RAB41: variants seen among roughly 807,000 people sequenced by gnomAD.
RAB41 encodes ras-related protein Rab-41.
In RAB41, 15 loss-of-function variants were observed where a neutral mutation model predicts 19.0. That is an observed-to-expected ratio of 0.79 (90% CI 0.53 to 1.21). RAB41 has a LOEUF of 1.21. Among genes scored for constraint, RAB41 ranks in the 50% most tolerant of loss-of-function variants. The pLI is 0.00. For synonymous variants in RAB41, 73 were observed against 64.7 expected (o/e 1.13, Z -0.62); for missense variants, 177 against 179.7 (o/e 0.99, Z 0.09).
chrX:70,282,256 C>T lies in RAB41; in HGVS notation c.39C>T (p.Ala13=), dbSNP rs778694033. ...AFGHDEAWME[A]GGFGLEAAER... ...GTCACGACGAGGCCTGGATGGAGGC[C>T]GGAGGCTTTGGTCTGGAGGCTGCCG... is the stretch of plus-strand genomic sequence containing the variant. Residue 13 remains alanine, a synonymous_variant, in exon 1 of 8, where the codon GCC becomes GCT. Transcript: ENST00000374473. 5.8e-6 allele frequency: 7 copies of T among 1,210,466 alleles called. No individual in the cohort carries two copies. The East Asian group carries it at 8.9e-5, about 15-fold the overall frequency.
chrX:70,282,638 G>T (rs779942134), intron 2 of RAB41, 47 bp downstream of exon 2: 15 of 1,141,344 alleles, frequency 1.3e-5, no homozygotes, highest in Middle Eastern at 2.4e-4. Flanking sequence ...CACTCTTCTT[G>T]GCGGACTCAC....
intron 2 of RAB41, 55 bp downstream of exon 2, chrX:70,282,646 C>G: frequency 1.8e-6 from 2 of 1,129,379 alleles, no homozygotes; most frequent in Non-Finnish European, 2.4e-6. Flanking sequence ...TTGGCGGACT[C>G]ACCTGGAGAT....
At chrX:70,284,138 TG>T in intron 6 of RAB41, 95 bp downstream of exon 6, 1 of 973,321 alleles carries the variant, frequency 1.0e-6, no homozygotes, top group Admixed American at 2.3e-5. Flanking sequence ...TTATCTTTTG[TG>T]GGATAGGGGT....
At chrX:70,284,137 G>A in intron 6 of RAB41, 94 bp downstream of exon 6, 2 of 967,897 alleles carry the variant, frequency 2.1e-6, no homozygotes, top group Admixed American at 2.3e-5. Context: ...CTTATCTTTT[G>A]TGGGATAGGG....
At chrX:70,284,227 CT>C (rs371286426) in intron 6 of RAB41, 38 bp from the exon 7 acceptor site, 5,372 of 886,346 alleles carry the variant, frequency 6.1e-3, no homozygotes, top group African/African-American at 0.025. Context: ...TTTTTTTCCC[CT>C]TTTTTTTTTT....
At position 70,284,054 on chromosome X, in the gene RAB41, T is replaced by C. The variant is rs1176378032; in HGVS notation, c.549+11T>C. 1.8e-6 allele frequency: 2 copies of C among 1,105,786 alleles called. No homozygotes were observed. Among genetic ancestry groups the C allele is most frequent in the East Asian group, 3.0e-5 (1 of 33,271 alleles). The allele number at this position is 1,105,786 out of a possible 1,213,427, so 91.1% of individuals were successfully genotyped here. Reference sequence around the variant, plus strand: ...TACAACGTGAAAAAGGTAATACTTGTTTCTTTCTATGATACTTTAATTGTG... The same window carrying C: ...TACAACGTGAAAAAGGTAATACTTGCTTCTTTCTATGATACTTTAATTGTG... On this transcript the variant is annotated intron_variant, in intron 6 of 7. Coordinates refer to ENST00000374473, the MANE Select transcript of RAB41 (RefSeq NM_001363807.1).
Position 70,284,711 on chromosome X carries a change from C to A in RAB41, c.*68C>A. 1.1e-6 allele frequency: 1 copy of A among 892,405 alleles called. No homozygotes were observed. The highest frequency in any genetic ancestry group is 1.6e-6 in the Non-Finnish European group (1 of 607,197). The allele number at this position is 892,405 out of a possible 1,213,427, so 73.5% of individuals were successfully genotyped here. On this transcript the variant is annotated 3_prime_UTR_variant, in exon 8 of 8. Coordinates refer to ENST00000374473, the MANE Select transcript of RAB41 (RefSeq NM_001363807.1). The stretch of plus-strand genomic sequence containing the variant: ...TTGGGCTTGCCATACCAGTTCTCCT[C>A]CCCACCTCGTTTTATGATACATGGC...
intron 1 of RAB41, 77 bp downstream of exon 1, chrX:70,282,418 C>T (rs372106167): frequency 5.1e-6 from 6 of 1,166,370 alleles, no homozygotes; most frequent in Admixed American, 4.4e-5. Context: ...TCTGGGGAAC[C>T]GAGTTCCTCC....
intron 1 of RAB41, 34 bp from the exon 2 acceptor site, chrX:70,282,499 A>AG (rs1241984599): frequency 8.4e-7 from 1 of 1,196,671 alleles, no homozygotes; most frequent in East Asian, 3.0e-5. Flanking sequence ...AAGGGCACTG[A>AG]GGGCGACGAT....
At position 70,282,674 on chromosome X, in the gene RAB41, T is replaced by C. The variant is rs763809230; in HGVS notation, c.183+83T>C. On this transcript the variant is annotated intron_variant, in intron 2 of 7. Transcript: ENST00000374473. ...CTGGAGATTCTCCTCCTCAAAGTTA[T>C]GTATTGTAAGCATTGGGAAGTGGAG... is the stretch of plus-strand genomic sequence containing the variant. 4.6e-6 allele frequency: 5 copies of C among 1,097,141 alleles called. No homozygotes were observed. In the African/African-American group the frequency reaches 5.5e-5, roughly 12 times the overall value. The allele number at this position is 1,097,141 out of a possible 1,213,427, so 90.4% of individuals were successfully genotyped here. A position where few individuals can be genotyped will look rare whatever the true frequency, so the allele number is the denominator to read the frequency against.
Position 70,284,977 on chromosome X carries a change from C to A in RAB41, c.*334C>A. ...ACTGTTTGTTGTTGTTTACCTACAC[C>A]CTCAATAAATGGTTCTTTAACCTAA... is the stretch of plus-strand genomic sequence containing the variant. On this transcript the variant is annotated 3_prime_UTR_variant, in exon 8 of 8. Transcript: ENST00000374473. The A allele has an allele frequency of 3.9e-6, 1 of 253,599 alleles. No homozygotes were observed. Among genetic ancestry groups the A allele is most frequent in the Non-Finnish European group, 7.1e-6 (1 of 141,596 alleles). The allele number at this position is 253,599 out of a possible 1,213,427, so 20.9% of individuals were successfully genotyped here. A position where few individuals can be genotyped will look rare whatever the true frequency, so the allele number is the denominator to read the frequency against.
chrX:70,282,504 G>A (rs1391525857), intron 1 of RAB41, 29 bp from the exon 2 acceptor site: 2 of 1,201,400 alleles, frequency 1.7e-6, no homozygotes, highest in African/African-American at 3.5e-5. Flanking sequence ...CACTGAGGGC[G>A]ACGATTGGCC....
chrX:70,284,414 A>T (rs1326567140), intron 7 of RAB41, 85 bp downstream of exon 7: 18 of 1,042,238 alleles, frequency 1.7e-5, no homozygotes, highest in Non-Finnish European at 2.3e-5. Context: ...CCTGAGTGGT[A>T]CCTAAGGGGA....
At chrX:70,283,654 T>C (rs1390587399) in intron 5 of RAB41, 30 bp downstream of exon 5, 1 of 1,040,078 alleles carries the variant, frequency 9.6e-7, no homozygotes, top group Non-Finnish European at 1.4e-6. Flanking sequence ...TCTTCTGGCA[T>C]ACCTAAAATT....
chrX:70,283,972 G>A lies in RAB41; in HGVS notation c.478G>A (p.Glu160Lys). The stretch of plus-strand genomic sequence containing the variant: ...CAGACAAGTCACTGCAGAACAGGGT[G>A]AAGAAAAATCCAGAAACCTCAATGT... ...NKRQVTAEQG[E>K]EKSRNLNVMF... Residue 160 changes from glutamate to lysine, a missense_variant, in exon 6 of 8, where the codon GAA becomes AAA. Coordinates refer to ENST00000374473, the MANE Select transcript of RAB41 (RefSeq NM_001363807.1). 8.3e-7 allele frequency: 1 copy of A among 1,207,802 alleles called. No homozygotes were observed.
chrX:70,283,667 G>A, intron 5 of RAB41, 43 bp downstream of exon 5: 1 of 942,370 alleles, frequency 1.1e-6, no homozygotes, highest in Non-Finnish European at 1.5e-6. Context: ...CTAAAATTCA[G>A]TCTCTATGGG....
chrX:70,283,826 G>A, intron 5 of RAB41, 124 bp from the exon 6 acceptor site: 1 of 546,858 alleles, frequency 1.8e-6, no homozygotes, highest in Non-Finnish European at 3.1e-6. Flanking sequence ...CCACCCTGTA[G>A]TCAGAAGGGT....
At chrX:70,282,662 T>C in intron 2 of RAB41, 71 bp downstream of exon 2, 11 of 1,103,677 alleles carry the variant, frequency 1.0e-5, no homozygotes, top group Non-Finnish European at 1.1e-5. Flanking sequence ...GAGATTCTCC[T>C]CCTCAAAGTT....
chrX:70,282,749 C>A lies in RAB41; in HGVS notation c.184-53C>A. On this transcript the variant is annotated intron_variant, in intron 2 of 7. Transcript: ENST00000374473. ...TTCTCCACTTTGGGTTCTAAGACTG[C>A]CTCATATTGGGAATAGAGGGAATGC... 1.6e-5 allele frequency: 19 copies of A among 1,166,917 alleles called. No homozygotes were observed. In the South Asian group the frequency reaches 3.4e-4, roughly 21 times the overall value.
Sources: allele counts gnomAD v4.1 joint callset, GRCh38; gene constraint gnomAD v4.1.1; transcripts MANE v1.5; gene names NCBI Gene and HGNC (gene_info 2026-07-23, HGNC 2026-07-21).